The following NR1D2 variants were observed in gnomAD, a reference collection of about 807,000 sequenced individuals.
NR1D2 encodes V-erbA-related protein 1-related.
NR1D2 carries 25 observed loss-of-function variants against 52.2 expected under a neutral mutation model. That is an observed-to-expected ratio of 0.48 (90% CI 0.35 to 0.67). NR1D2 has a LOEUF of 0.67. Ranked by LOEUF, NR1D2 falls within the 30% of genes least tolerant of loss-of-function variation. The pLI, the probability that NR1D2 is intolerant of heterozygous loss-of-function variation, is 0.01. For missense variants in NR1D2, 681 were observed against 707.2 expected (o/e 0.96, Z 0.42); for synonymous variants, 259 against 230.1 (o/e 1.13, Z -1.14).
chr3:23,945,786 C>T (rs1010704560), intron 1 of NR1D2, among the ~76,000 whole-genome samples, 192 bp downstream of exon 1: 17 of 150,506 alleles, frequency 1.1e-4, no homozygotes, highest in Non-Finnish European at 2.2e-4. Context: ...CTCTTGTCTC[C>T]CTGCAAAGCC....
rs1483138022 is a variant in NR1D2 at position 23,977,439 on chromosome 3, A to C, written c.*20A>C. 1.3e-6 allele frequency: 2 copies of C among 1,496,276 alleles called. No individual in the cohort carries two copies. Among genetic ancestry groups the C allele is most frequent in the Non-Finnish European group, 1.8e-6 (2 of 1,101,464 alleles). 92.7% of individuals were successfully genotyped at this position (1,496,276 alleles called of 1,614,324 possible). On this transcript the variant is annotated 3_prime_UTR_variant, in exon 8 of 8. Transcript: ENST00000312521. ...CCTTAAGGCCTTTGTTTATTTAAAC[A>C]TGAACTGATGGTAACTGTACATTTT...
intron 5 of NR1D2, among the ~76,000 whole-genome samples, chr3:23,964,393 T>A (rs1559335392): frequency 6.6e-6 from 1 of 152,164 alleles, no homozygotes; most frequent in South Asian, 2.1e-4. Context: ...TGAGTGACCT[T>A]TTCAACAAAA....
Position 23,977,449 on chromosome 3 carries a change from G to A in NR1D2, c.*30G>A. ...TTTGTTTATTTAAACATGAACTGAT[G>A]GTAACTGTACATTTTGTGCTAAAAT... On this transcript the variant is annotated 3_prime_UTR_variant, in exon 8 of 8. Coordinates refer to ENST00000312521, the MANE Select transcript of NR1D2 (RefSeq NM_005126.5). 1.4e-6 allele frequency: 2 copies of A among 1,437,056 alleles called. No homozygotes were observed. Among genetic ancestry groups the A allele is most frequent in the Non-Finnish European group, 9.5e-7 (1 of 1,057,496 alleles). 89.0% of individuals were successfully genotyped at this position (1,437,056 alleles called of 1,614,324 possible). A position where few individuals can be genotyped will look rare whatever the true frequency, so the allele number is the denominator to read the frequency against.
At position 23,954,886 on chromosome 3, in the gene NR1D2, T is replaced by G. The variant is rs1188274989; in HGVS notation, c.283+83T>G. The G allele has an allele frequency of 6.8e-5, 87 of 1,273,000 alleles. 1 individual carries two copies. In the Admixed American group the frequency reaches 1.6e-3, roughly 23 times the overall value. The allele number at this position is 1,273,000 out of a possible 1,614,324, so 78.9% of individuals were successfully genotyped here. A position where few individuals can be genotyped will look rare whatever the true frequency, so the allele number is the denominator to read the frequency against. On this transcript the variant is annotated intron_variant, in intron 2 of 7. Coordinates refer to ENST00000312521, the MANE Select transcript of NR1D2 (RefSeq NM_005126.5). ...TATCAGCTTTTCATTTAGGTGGCCA[T>G]TATGTTTCTGGGTACAGTTTTCACT... is the stretch of plus-strand genomic sequence containing the variant.
intron 1 of NR1D2, among the ~76,000 whole-genome samples, chr3:23,952,598 C>T (rs1358951480): frequency 2.0e-5 from 3 of 151,660 alleles, no homozygotes; most frequent in East Asian, 1.9e-4. Context: ...TGGTGGCGGG[C>T]GCCTGTATTC....
At chr3:23,952,230 G>T (rs1019113137) in intron 1 of NR1D2, among the ~76,000 whole-genome samples, 1 of 152,164 alleles carries the variant, frequency 6.6e-6, no homozygotes, top group Admixed American at 6.5e-5. Flanking sequence ...ATTAATTAAG[G>T]TGAGATGCAC....
In NR1D2 at chr3:23,962,427, A is replaced by T. The variant is rs1460136777; in HGVS notation, c.968A>T (p.Lys323Ile). Residue 323 changes from lysine (K) to isoleucine (I), a missense_variant, in exon 5 of 8, where the codon AAA becomes ATA. Around this residue, in one of 3 missense-constraint regions of NR1D2, gnomAD observed 475 missense variants for 454.5 expected, o/e 1.05. Transcript: ENST00000312521. ...CAGCAGCATCTCAATGGACAGTTCAAAGGGAGGAATATAATGCATTACCCA... is the reference window on the plus strand; with the variant it reads ...CAGCAGCATCTCAATGGACAGTTCATAGGGAGGAATATAATGCATTACCCA... ...ESQQHLNGQFKGRNIMHYPNG... is the reference protein window; with the variant it reads ...ESQQHLNGQFIGRNIMHYPNG... 4 of 1,614,086 alleles carry T rather than the reference A, an allele frequency of 2.5e-6. No individual in the cohort carries two copies. In the African/African-American group the frequency reaches 4.0e-5, roughly 16 times the overall value.
At chr3:23,964,738 T>A in intron 5 of NR1D2, 1 of 373,780 alleles carries the variant, frequency 2.7e-6, no homozygotes, top group Non-Finnish European at 4.8e-6. Flanking sequence ...TTGTTATAGA[T>A]GATATTTTTG....
chr3:23,971,827 A>G lies in NR1D2; in HGVS notation c.1543+3804A>G, dbSNP rs552286816. Among the ~76,000 whole-genome samples the G allele has an allele frequency of 3.3e-5, 5 of 152,302 alleles. No homozygotes were observed. The East Asian group carries it at 7.7e-4, about 23-fold the overall frequency. On this transcript the variant is annotated intron_variant, in intron 7 of 7. Transcript: ENST00000312521. ...TTATGTAGTCAATTAAAACATTTATATCTTGTTCTATCACTGTTTGTCATG... is the reference window on the plus strand; with the variant it reads ...TTATGTAGTCAATTAAAACATTTATGTCTTGTTCTATCACTGTTTGTCATG...
At chr3:23,948,950 C>T (rs1211019496) in intron 1 of NR1D2, among the ~76,000 whole-genome samples, 1 of 152,166 alleles carries the variant, frequency 6.6e-6, no homozygotes, top group Non-Finnish European at 1.5e-5. Context: ...ATCTGCAGGG[C>T]CTCCCAGTTT....
chr3:23,948,128 A>G lies in NR1D2; in HGVS notation c.16+2534A>G, dbSNP rs1029159394. On this transcript the variant is annotated intron_variant, in intron 1 of 7. Transcript: ENST00000312521. The stretch of plus-strand genomic sequence containing the variant: ...GCGAGACTCCCATCTCAAAAAAAAA[A>G]AAAAGCCTTTTAACTTTCGAATTTT... Among the ~76,000 whole-genome samples, 35 of 152,284 alleles carry G rather than the reference A, an allele frequency of 2.3e-4. 1 individual carries two copies. Among genetic ancestry groups the G allele is most frequent in the African/African-American group, 8.2e-4 (34 of 41,556 alleles).
Position 23,962,587 on chromosome 3 carries a change from T to C in NR1D2, c.1128T>C (p.Thr376=). ...ACAAGAATAGTTACCTGTGCAACAC[T>C]GGAGGAAGAATGCATCTGGTATAGT... is the stretch of plus-strand genomic sequence containing the variant. ...NENKNSYLCN[T]GGRMHLVCPM... Residue 376 remains threonine (T), a synonymous_variant, in exon 5 of 8, where the codon ACT becomes ACC. Transcript: ENST00000312521. 3 of 1,602,420 alleles carry C rather than the reference T, an allele frequency of 1.9e-6. No homozygotes were observed. The highest frequency in any genetic ancestry group is 2.6e-6 in the Non-Finnish European group (3 of 1,171,374).
At chr3:23,950,701 G>A (rs1008761293) in intron 1 of NR1D2, among the ~76,000 whole-genome samples, 1 of 152,132 alleles carries the variant, frequency 6.6e-6, no homozygotes, top group Admixed American at 6.5e-5. Flanking sequence ...ACAGATGCTT[G>A]TTTTCTTAAG....
intron 7 of NR1D2, among the ~76,000 whole-genome samples, chr3:23,971,385 C>G (rs898488797): frequency 1.4e-5 from 2 of 144,992 alleles, no homozygotes; most frequent in Non-Finnish European, 3.0e-5. Flanking sequence ...ACTGCAACCT[C>G]TGCCTCCCAA....
chr3:23,948,013 G>A (rs756807863), intron 1 of NR1D2, among the ~76,000 whole-genome samples: 10 of 151,950 alleles, frequency 6.6e-5, no homozygotes, highest in Non-Finnish European at 1.3e-4. Flanking sequence ...AGCTACTTAT[G>A]AGGCTGAGCA....
At chr3:23,946,014 G>A (rs1705680897) in intron 1 of NR1D2, 1 of 746,018 alleles carries the variant, frequency 1.3e-6, no homozygotes. Flanking sequence ...GGGCCGCAGG[G>A]ACACGTGGGG....
chr3:23,974,755 C>G (rs1049523795), intron 7 of NR1D2, among the ~76,000 whole-genome samples: 5 of 151,794 alleles, frequency 3.3e-5, no homozygotes, highest in Non-Finnish European at 7.4e-5. Flanking sequence ...AGAAAGAGGT[C>G]TCTGCCAGTA....
intron 7 of NR1D2, among the ~76,000 whole-genome samples, chr3:23,974,195 C>T (rs1324012792): frequency 7.2e-6 from 1 of 138,536 alleles, no homozygotes; most frequent in Admixed American, 8.1e-5. Context: ...CATTTGAGTT[C>T]AGGAGTTCTC....
intron 1 of NR1D2, among the ~76,000 whole-genome samples, chr3:23,948,385 G>A (rs185305922): frequency 6.6e-6 from 1 of 152,256 alleles, no homozygotes; most frequent in East Asian, 1.9e-4. Flanking sequence ...CTTGGAGCAA[G>A]GAAAAGCAAG....
Sources: allele counts gnomAD v4.1 joint callset (sites outside exome capture counted in the v4.1 genomes callset), GRCh38; gene constraint gnomAD v4.1.1; regional missense constraint gnomAD v4.1.1; transcripts MANE v1.5; gene names NCBI Gene and HGNC (gene_info 2026-07-23, HGNC 2026-07-21).